STPG2: variants seen among roughly 807,000 people sequenced by gnomAD.
The protein encoded by STPG2 is sperm-tail PG-rich repeat-containing protein 2.
Under a neutral mutation model 54.2 loss-of-function variants are expected in STPG2, and 56 were observed. The ratio of observed to expected loss-of-function variants is 1.03; its 90% CI spans 0.83 to 1.29. STPG2 has a LOEUF of 1.29. Ranked by LOEUF, STPG2 falls within the 50% of genes most tolerant of loss-of-function variation. STPG2 has a pLI of 0.00. For missense variants in STPG2, 596 were observed against 544.9 expected (o/e 1.09, Z -0.93); for synonymous variants, 200 against 181.8 (o/e 1.10, Z -0.81).
chr4:98,096,604 A>T (rs1254204900), intron 5 of STPG2, among the ~76,000 whole-genome samples: 1 of 152,094 alleles, frequency 6.6e-6, no homozygotes, highest in East Asian at 1.9e-4. Flanking sequence ...TAGTAAAAGA[A>T]AAGAAATAAT....
chr4:97,638,803 T>TCACA (rs1721656545), intron 10 of STPG2, among the ~76,000 whole-genome samples: 2 of 146,610 alleles, frequency 1.4e-5, no homozygotes, highest in Admixed American at 1.4e-4. Context: ...AGATACCATC[T>TCACA]CACACCAGTT....
intron 10 of STPG2, among the ~76,000 whole-genome samples, chr4:97,610,484 A>T (rs1169809784): frequency 2.0e-5 from 3 of 152,054 alleles, no homozygotes; most frequent in Admixed American, 6.6e-5. Context: ...ATAACAAATT[A>T]CTAGAAAGAA....
chr4:97,927,731 G>T (rs1732390302), intron 8 of STPG2, among the ~76,000 whole-genome samples: 1 of 152,014 alleles, frequency 6.6e-6, no homozygotes. Context: ...GCCTCAGTTT[G>T]AATTCTGGCT....
chr4:97,532,618 C>T (rs1731438430), intron 4 of STPG2, among the ~76,000 whole-genome samples: 1 of 152,104 alleles, frequency 6.6e-6, no homozygotes, highest in Non-Finnish European at 1.5e-5. Context: ...TATAAATTAA[C>T]TGTATTCATG....
At chr4:98,020,888 G>T (rs556283333) in intron 5 of STPG2, among the ~76,000 whole-genome samples, 20 of 151,818 alleles carry the variant, frequency 1.3e-4, no homozygotes, top group Admixed American at 9.2e-4. Context: ...TTTTTATTGC[G>T]TCTATTTGAT....
At chr4:97,495,562 AG>A (rs1186634587) in intron 4 of STPG2, among the ~76,000 whole-genome samples, 1 of 151,446 alleles carries the variant, frequency 6.6e-6, no homozygotes, top group African/African-American at 2.4e-5. Context: ...TGAAAAAAAT[AG>A]ATCTCAAAAA....
chr4:98,108,907 C>T (rs1406222023), intron 4 of STPG2, among the ~76,000 whole-genome samples: 1 of 151,940 alleles, frequency 6.6e-6, no homozygotes, highest in East Asian at 1.9e-4. Flanking sequence ...GGAGAGATAG[C>T]ATTAGGAGAA....
At chr4:97,854,667 T>C (rs1441886673) in intron 8 of STPG2, among the ~76,000 whole-genome samples, 2 of 152,086 alleles carry the variant, frequency 1.3e-5, no homozygotes, top group Non-Finnish European at 2.9e-5. Flanking sequence ...ACCATATCAA[T>C]AATGACATTA....
At chr4:97,740,903 C>G (rs928826264) in intron 9 of STPG2, among the ~76,000 whole-genome samples, 1 of 152,068 alleles carries the variant, frequency 6.6e-6, no homozygotes, top group African/African-American at 2.4e-5. Context: ...CCCGCATCGC[C>G]AAGTCAATCT....
chr4:97,457,170 A>T (rs1208464858), intron 4 of STPG2, among the ~76,000 whole-genome samples: 1 of 152,220 alleles, frequency 6.6e-6, no homozygotes, highest in East Asian at 1.9e-4. Context: ...AAAATGACAC[A>T]GCCACTTTGG....
chr4:97,797,679 G>T (rs586718), intron 9 of STPG2, among the ~76,000 whole-genome samples: 24,533 of 152,136 alleles, frequency 0.16, 2,149 homozygotes, highest in East Asian at 0.36. Flanking sequence ...CCAGGCTTTG[G>T]TATCAGGATG....
chr4:97,779,735 A>C (rs549769872), intron 9 of STPG2, among the ~76,000 whole-genome samples: 1 of 152,216 alleles, frequency 6.6e-6, no homozygotes, highest in Non-Finnish European at 1.5e-5. Context: ...CGGATAACTC[A>C]GCAGAAACTC....
At chr4:97,680,357 G>C (rs1722993843) in intron 10 of STPG2, among the ~76,000 whole-genome samples, 1 of 151,704 alleles carries the variant, frequency 6.6e-6, no homozygotes, top group African/African-American at 2.4e-5. Context: ...CTTGTAAGTT[G>C]GATTCCTAGG....
intron 10 of STPG2, among the ~76,000 whole-genome samples, chr4:97,581,707 G>A (rs1426107672): frequency 6.6e-6 from 1 of 152,036 alleles, no homozygotes; most frequent in East Asian, 1.9e-4. Context: ...AATGGGACAG[G>A]AGAACTGTAT....
intron 4 of STPG2, among the ~76,000 whole-genome samples, chr4:97,546,922 T>A (rs1431797428): frequency 1.3e-5 from 2 of 152,192 alleles, no homozygotes; most frequent in East Asian, 3.8e-4. Context: ...CATATGAGTA[T>A]ATGATGCAAT....
intron 5 of STPG2, among the ~76,000 whole-genome samples, chr4:98,085,333 T>A (rs1054145313): frequency 1.3e-5 from 2 of 152,106 alleles, no homozygotes; most frequent in Admixed American, 1.3e-4. Flanking sequence ...CTTGATTACC[T>A]GATTGATTAT....
At chr4:97,546,521 T>A (rs1731837224) in intron 4 of STPG2, among the ~76,000 whole-genome samples, 1 of 152,116 alleles carries the variant, frequency 6.6e-6, no homozygotes, top group Non-Finnish European at 1.5e-5. Context: ...TTCAGTAATC[T>A]GATAAGTTAG....
At chr4:97,613,792 C>A (rs1733791662) in intron 10 of STPG2, among the ~76,000 whole-genome samples, 1 of 151,830 alleles carries the variant, frequency 6.6e-6, no homozygotes, top group South Asian at 2.1e-4. Context: ...ATGCTTCTAT[C>A]CTTTTGAGGT....
chr4:97,850,287 G>C (rs1476081687), intron 8 of STPG2, among the ~76,000 whole-genome samples: 1 of 6,682 alleles, frequency 1.5e-4, no homozygotes, highest in Admixed American at 1.8e-3. Flanking sequence ...GGGGGGAGGG[G>C]GGAGGGAAAG....
Sources: allele counts gnomAD v4.1 joint callset (sites outside exome capture counted in the v4.1 genomes callset), GRCh38; gene constraint gnomAD v4.1.1; transcripts MANE v1.5; gene names NCBI Gene and HGNC (gene_info 2026-07-23, HGNC 2026-07-21).